The following CNTN3 variants were observed in gnomAD, a reference collection of about 807,000 sequenced individuals.
CNTN3 encodes the protein contactin-3.
A neutral mutation model predicts 119.1 loss-of-function variants in CNTN3; 60 were observed. The observed-to-expected ratio is 0.50, with a 90% CI of 0.41 to 0.62. The LOEUF is 0.62. Among genes scored for constraint, CNTN3 ranks in the 20% least tolerant of loss-of-function variants. The pLI, the probability that CNTN3 is intolerant of heterozygous loss-of-function variation, is 0.00. For missense variants in CNTN3, 1,101 were observed against 1,242.4 expected (o/e 0.89, Z 1.71); for synonymous variants, 450 against 438.7 (o/e 1.03, Z -0.32).
intron 4 of CNTN3, among the ~76,000 whole-genome samples, chr3:74,478,320 T>A (rs1325700035): frequency 6.6e-6 from 1 of 152,018 alleles, no homozygotes; most frequent in Non-Finnish European, 1.5e-5. Flanking sequence ...TGGTTAGGAA[T>A]CCAGGTTCTC....
intron 18 of CNTN3, among the ~76,000 whole-genome samples, chr3:74,295,532 C>T (rs1419813256): frequency 1.3e-5 from 2 of 152,114 alleles, no homozygotes; most frequent in Non-Finnish European, 2.9e-5. Context: ...CTTCTCCTCA[C>T]CTTGTCCTTA....
intron 1 of CNTN3, among the ~76,000 whole-genome samples, chr3:74,551,470 C>G (rs1334187223): frequency 6.6e-6 from 1 of 152,132 alleles, no homozygotes; most frequent in East Asian, 1.9e-4. Context: ...TGAGCCTACA[C>G]TGACATTTCA....
At chr3:74,587,858 T>A (rs948677625) in intron 1 of CNTN3, among the ~76,000 whole-genome samples, 1 of 152,198 alleles carries the variant, frequency 6.6e-6, no homozygotes, top group African/African-American at 2.4e-5. Context: ...AGAGAGGGCA[T>A]CCCTGTCTTG....
At chr3:74,456,512 A>G (rs1050187795) in intron 4 of CNTN3, among the ~76,000 whole-genome samples, 2 of 152,088 alleles carry the variant, frequency 1.3e-5, no homozygotes, top group East Asian at 3.9e-4. Flanking sequence ...GCAAAGTACA[A>G]TGTTAAAATA....
At chr3:74,573,689 TAACATC>T (rs1475936962) in intron 1 of CNTN3, among the ~76,000 whole-genome samples, 3 of 151,852 alleles carry the variant, frequency 2.0e-5, no homozygotes, top group Non-Finnish European at 4.4e-5. Context: ...AAAAGATGTT[TAACATC>T]ATTGGTCATT....
At chr3:74,401,201 A>T (rs1290155373) in intron 5 of CNTN3, among the ~76,000 whole-genome samples, 1 of 152,186 alleles carries the variant, frequency 6.6e-6, no homozygotes, top group African/African-American at 2.4e-5. Context: ...TTCTAGTTCC[A>T]CAGCTTAGGA....
At chr3:74,571,261 G>A (rs959447404) in intron 1 of CNTN3, among the ~76,000 whole-genome samples, 7 of 152,050 alleles carry the variant, frequency 4.6e-5, no homozygotes, top group African/African-American at 7.2e-5. Context: ...TAGCAGCAGC[G>A]GCATCCACAG....
intron 18 of CNTN3, among the ~76,000 whole-genome samples, chr3:74,296,074 G>T (rs972566162): frequency 6.6e-6 from 1 of 151,988 alleles, no homozygotes; most frequent in Non-Finnish European, 1.5e-5. Flanking sequence ...GAGGTTCCAG[G>T]GCTTCTCTGA....
intron 1 of CNTN3, among the ~76,000 whole-genome samples, chr3:74,594,273 C>CTTTTTTTTTT (rs59436860): frequency 8.0e-5 from 9 of 112,050 alleles, no homozygotes; most frequent in African/African-American, 1.8e-4. Flanking sequence ...TTCTTTTTTT[C>CTTTTTTTTTT]TTTTTTTTTT....
intron 20 of CNTN3, among the ~76,000 whole-genome samples, chr3:74,273,784 A>G (rs953521860): frequency 6.6e-6 from 1 of 152,164 alleles, no homozygotes. Context: ...CTTTGTAACT[A>G]TTTTAACTGG....
intron 1 of CNTN3, among the ~76,000 whole-genome samples, chr3:74,590,871 C>T (rs1575852044): frequency 6.6e-6 from 1 of 152,122 alleles, no homozygotes; most frequent in Non-Finnish European, 1.5e-5. Context: ...CAGTCAACAA[C>T]TTGACTCAGT....
intron 1 of CNTN3, among the ~76,000 whole-genome samples, chr3:74,587,225 T>G (rs777467683): frequency 6.6e-6 from 1 of 152,146 alleles, no homozygotes. Context: ...GGAAGCCCAA[T>G]TGAGTTCAAC....
chr3:74,500,212 T>A (rs747791114), intron 2 of CNTN3, among the ~76,000 whole-genome samples: 3 of 152,086 alleles, frequency 2.0e-5, no homozygotes, highest in Admixed American at 6.6e-5. Context: ...CTTGATAATG[T>A]TATTTTTCTA....
chr3:74,446,992 T>C (rs929073276), intron 4 of CNTN3, among the ~76,000 whole-genome samples: 18 of 152,222 alleles, frequency 1.2e-4, no homozygotes, highest in African/African-American at 3.6e-4. Context: ...AAAGACGTTT[T>C]TCTTTGTTTC....
chr3:74,382,940 T>C (rs1215560245), intron 5 of CNTN3, among the ~76,000 whole-genome samples: 1 of 152,214 alleles, frequency 6.6e-6, no homozygotes, highest in Non-Finnish European at 1.5e-5. Flanking sequence ...CATTATTTTA[T>C]ATTTGATACT....
At chr3:74,281,747 G>A (rs1207981354) in intron 20 of CNTN3, among the ~76,000 whole-genome samples, 1 of 152,136 alleles carries the variant, frequency 6.6e-6, no homozygotes, top group Non-Finnish European at 1.5e-5. Context: ...TTTTTGGCTT[G>A]AGAAACTGAA....
At chr3:74,311,644 G>C (rs113384411) in intron 13 of CNTN3, among the ~76,000 whole-genome samples, 1 of 152,170 alleles carries the variant, frequency 6.6e-6, no homozygotes, top group Non-Finnish European at 1.5e-5. Flanking sequence ...AGCATGAACA[G>C]TTCCATCTCA....
chr3:74,359,170 T>G (rs141917378), intron 11 of CNTN3, among the ~76,000 whole-genome samples: 2 of 151,944 alleles, frequency 1.3e-5, no homozygotes, highest in African/African-American at 4.8e-5. Context: ...GAATGGAGAG[T>G]CCAGGTAGCC....
At chr3:74,504,551 C>G (rs527754853) in intron 2 of CNTN3, among the ~76,000 whole-genome samples, 1 of 152,196 alleles carries the variant, frequency 6.6e-6, no homozygotes, top group South Asian at 2.1e-4. Flanking sequence ...AAATAAAATT[C>G]CATTTATATG....
Sources: gnomAD v4.1 joint callset for allele counts (sites outside exome capture counted in the v4.1 genomes callset) on GRCh38, gnomAD v4.1.1 for gene constraint, MANE v1.5 for transcripts, NCBI Gene and HGNC (gene_info 2026-07-23, HGNC 2026-07-21) for gene names.